Variants in ANTXR2 observed in about 807,000 individuals in gnomAD.
ANTXR2 encodes the protein anthrax toxin receptor 2.
In ANTXR2, 44 loss-of-function variants were observed where a neutral mutation model predicts 73.7. That is an observed-to-expected ratio of 0.60 (90% CI 0.47 to 0.77). The LOEUF (loss-of-function observed/expected upper bound fraction) is 0.77, where lower values mean the gene tolerates loss of function less well. ANTXR2 is among the 30% of genes least tolerant of loss of function. The pLI is 0.00. For synonymous variants in ANTXR2, 217 were observed against 205.9 expected (o/e 1.05, Z -0.46); for missense variants, 604 against 592.5 (o/e 1.02, Z -0.20).
intron 14 of ANTXR2, among the ~76,000 whole-genome samples, chr4:79,983,500 T>C (rs1211752119): frequency 6.6e-6 from 1 of 152,174 alleles, no homozygotes; most frequent in Non-Finnish European, 1.5e-5. Flanking sequence ...TAACATTTTC[T>C]TCTCAAATAG....
intron 3 of ANTXR2, among the ~76,000 whole-genome samples, chr4:80,061,169 G>C (rs1734233635): frequency 6.6e-6 from 1 of 151,984 alleles, no homozygotes; most frequent in South Asian, 2.1e-4. Context: ...TAAATCTTAG[G>C]CCTGGAACTC....
At chr4:79,909,917 T>A (rs145166470) in intron 16 of ANTXR2, among the ~76,000 whole-genome samples, 161 of 152,316 alleles carry the variant, frequency 1.1e-3, no homozygotes, top group Admixed American at 2.5e-3. Flanking sequence ...AAGATCCCAC[T>A]GCATCTCCAC....
At chr4:80,017,008 G>A (rs574701222) in intron 11 of ANTXR2, among the ~76,000 whole-genome samples, 6 of 152,240 alleles carry the variant, frequency 3.9e-5, no homozygotes, top group African/African-American at 1.2e-4. Flanking sequence ...GCTGCTACTC[G>A]CAAAGTCTGT....
At chr4:80,053,384 AT>A (rs1399362201) in intron 7 of ANTXR2, among the ~76,000 whole-genome samples, 1 of 151,634 alleles carries the variant, frequency 6.6e-6, no homozygotes. Context: ...AGCTCCATTA[AT>A]TTTTTTAAAA....
chr4:80,017,119 A>G (rs1731911281), intron 11 of ANTXR2, among the ~76,000 whole-genome samples: 1 of 152,206 alleles, frequency 6.6e-6, no homozygotes, highest in Non-Finnish European at 1.5e-5. Context: ...TCAGGTCCTG[A>G]CAATAACTAT....
intron 10 of ANTXR2, among the ~76,000 whole-genome samples, chr4:80,027,938 T>C (rs1159961469): frequency 6.6e-6 from 1 of 152,188 alleles, no homozygotes; most frequent in African/African-American, 2.4e-5. Context: ...GAATGCATCC[T>C]ATTCAAACTT....
At chr4:80,016,054 A>T (rs1182814683) in intron 11 of ANTXR2, among the ~76,000 whole-genome samples, 3 of 152,126 alleles carry the variant, frequency 2.0e-5, no homozygotes, top group African/African-American at 7.2e-5. Context: ...ATCAAAGGAT[A>T]TTTTAAAATT....
intron 14 of ANTXR2, among the ~76,000 whole-genome samples, chr4:79,980,962 TGAATAAGCATGC>T (rs1729865343): frequency 1.3e-5 from 2 of 149,338 alleles, no homozygotes; most frequent in South Asian, 4.2e-4. Context: ...CTTCCAGGTT[TGAATAAGCATGC>T]TTTTAAAACA....
intron 3 of ANTXR2, among the ~76,000 whole-genome samples, chr4:80,058,416 A>G (rs1251761901): frequency 1.3e-5 from 2 of 152,020 alleles, no homozygotes; most frequent in Non-Finnish European, 2.9e-5. Context: ...TTCCATAGCC[A>G]AGAAAAACAC....
intron 12 of ANTXR2, among the ~76,000 whole-genome samples, chr4:80,006,552 T>C (rs977863011): frequency 5.9e-5 from 9 of 152,122 alleles, no homozygotes; most frequent in East Asian, 5.8e-4. Context: ...GCATTTGTGA[T>C]GTTTCTGAGG....
In ANTXR2 at chr4:79,975,133, T is replaced by C. The variant is rs182495517; in HGVS notation, c.1428+2488A>G. Reference sequence around the variant, plus strand: ...CCACGAATCACTGCCTCAGTGACTTTGCTCATGATGCCACATCTATGGAAA... The same window carrying C: ...CCACGAATCACTGCCTCAGTGACTTCGCTCATGATGCCACATCTATGGAAA... On this transcript the variant is annotated intron_variant, in intron 16 of 16. Transcript: ENST00000403729. 2.4e-4 allele frequency among the ~76,000 whole-genome samples: 37 copies of C among 152,350 alleles called. 1 individual carries two copies. The highest frequency in any genetic ancestry group is 8.4e-4 in the African/African-American group (35 of 41,586).
chr4:80,068,685 T>C (rs918375369), intron 3 of ANTXR2, among the ~76,000 whole-genome samples: 3 of 152,250 alleles, frequency 2.0e-5, no homozygotes, highest in African/African-American at 7.2e-5. Flanking sequence ...AGCATGAGAA[T>C]TGCTTGAACC....
intron 12 of ANTXR2, among the ~76,000 whole-genome samples, chr4:79,991,446 A>C (rs575140339): frequency 6.6e-6 from 1 of 152,240 alleles, no homozygotes; most frequent in African/African-American, 2.4e-5. Flanking sequence ...AAAGTAAAAA[A>C]TAAATAACAG....
chr4:79,926,555 G>A (rs1320302341), intron 16 of ANTXR2, among the ~76,000 whole-genome samples: 2 of 152,048 alleles, frequency 1.3e-5, no homozygotes, highest in South Asian at 2.1e-4. Context: ...TTAAAGTAAC[G>A]ATTATTAAAA....
intron 16 of ANTXR2, among the ~76,000 whole-genome samples, chr4:79,963,633 C>A (rs73828825): frequency 2.6e-5 from 4 of 152,118 alleles, no homozygotes; most frequent in African/African-American, 9.7e-5. Flanking sequence ...GAGTCAGCAT[C>A]TCTCCTTTTT....
intron 16 of ANTXR2, among the ~76,000 whole-genome samples, chr4:79,918,759 G>C (rs1727454275): frequency 6.6e-6 from 1 of 151,798 alleles, no homozygotes; most frequent in African/African-American, 2.4e-5. Flanking sequence ...TAGAGAAACA[G>C]AATAGTAAAT....
rs375373601 is a variant in ANTXR2, at chr4:79,926,103, A to G, written c.1429-18636T>C. Among the ~76,000 whole-genome samples, 24 of 152,268 alleles carry G rather than the reference A, an allele frequency of 1.6e-4. 1 individual carries two copies. Among genetic ancestry groups the G allele is most frequent in the African/African-American group, 3.1e-4 (13 of 41,578 alleles). ...ATGGCTATGGCAAACTTTCTAGATA[A>G]TTAAGTTTCTGCTGAATTAATTGAT... On this transcript the variant is annotated intron_variant, in intron 16 of 16. Transcript: ENST00000403729.
chr4:79,934,536 C>T (rs761512234), intron 16 of ANTXR2, among the ~76,000 whole-genome samples: 31 of 112,316 alleles, frequency 2.8e-4, no homozygotes, highest in Non-Finnish European at 6.1e-4. Flanking sequence ...AAAACAACAA[C>T]AACAACAAAA....
At chr4:79,957,771 A>G (rs577497543) in intron 16 of ANTXR2, among the ~76,000 whole-genome samples, 6 of 152,190 alleles carry the variant, frequency 3.9e-5, no homozygotes, top group South Asian at 4.1e-4. Flanking sequence ...GCAATTTCAC[A>G]TTGAAAAATA....
Sources: allele counts gnomAD v4.1 joint callset (sites outside exome capture counted in the v4.1 genomes callset), GRCh38; gene constraint gnomAD v4.1.1; transcripts MANE v1.5; gene names NCBI Gene and HGNC (gene_info 2026-07-23, HGNC 2026-07-21).